Variants in TUSC3 observed in about 807,000 individuals in gnomAD.
The protein encoded by TUSC3 is tumor suppressor candidate 3.
TUSC3 carries 45 observed loss-of-function variants against 44.8 expected under a neutral mutation model. That is an observed-to-expected ratio of 1.00 (90% CI 0.79 to 1.29). The LOEUF (loss-of-function observed/expected upper bound fraction) is 1.29, where lower values mean the gene tolerates loss of function less well. Among genes scored for constraint, TUSC3 ranks in the 50% most tolerant of loss-of-function variants. The probability of loss-of-function intolerance (pLI) is 0.00; values close to 1 mark genes in which losing one functional copy is unlikely to be tolerated. For missense variants in TUSC3, 519 were observed against 437.9 expected (o/e 1.19, Z -1.65); for synonymous variants, 212 against 152.9 (o/e 1.39, Z -2.85).
upstream of TUSC3, among the ~76,000 whole-genome samples, chr8:15,535,232 G>C (rs1801505378): frequency 6.6e-6 from 1 of 152,162 alleles, no homozygotes; most frequent in Non-Finnish European, 1.5e-5. Context: ...TTCTTGGAAG[G>C]TCTTTGTGCA....
At chr8:15,769,350 G>A (rs1302241049), downstream of TUSC3, among the ~76,000 whole-genome samples, 1 of 152,132 alleles carries the variant, frequency 6.6e-6, no homozygotes, top group Non-Finnish European at 1.5e-5. Context: ...TTTAATAAAT[G>A]GTGATGGGAA....
intron 6 of TUSC3, among the ~76,000 whole-genome samples, chr8:15,678,736 C>G (rs973676782): frequency 6.6e-6 from 1 of 152,114 alleles, no homozygotes; most frequent in Non-Finnish European, 1.5e-5. Flanking sequence ...ATTACTGAGG[C>G]CATCACACAG....
At chr8:15,664,689 C>T (rs961235571) in intron 5 of TUSC3, among the ~76,000 whole-genome samples, 7 of 149,592 alleles carry the variant, frequency 4.7e-5, no homozygotes, top group African/African-American at 1.7e-4. Context: ...GTTTGTAATA[C>T]TTTTCTGCAT....
At chr8:15,565,112 G>C (rs928593974) in intron 1 of TUSC3, among the ~76,000 whole-genome samples, 1 of 151,746 alleles carries the variant, frequency 6.6e-6, no homozygotes, top group Admixed American at 6.6e-5. Context: ...GTCTCACTGG[G>C]CTAAAGTCAA....
At chr8:15,687,603 C>T (rs1004823240) in intron 6 of TUSC3, among the ~76,000 whole-genome samples, 2 of 152,140 alleles carry the variant, frequency 1.3e-5, no homozygotes, top group Non-Finnish European at 2.9e-5. Flanking sequence ...TTGATCCTAA[C>T]GTCTGACTGA....
intron 1 of TUSC3, among the ~76,000 whole-genome samples, chr8:15,604,820 T>A (rs993260493): frequency 2.0e-5 from 3 of 151,830 alleles, no homozygotes; most frequent in Non-Finnish European, 4.4e-5. Flanking sequence ...ATTTGGCATT[T>A]TTATTACCAG....
intron 6 of TUSC3, among the ~76,000 whole-genome samples, chr8:15,707,748 T>C (rs13265882): frequency 0.5 from 76,479 of 151,742 alleles, 20,915 homozygotes; most frequent in Non-Finnish European, 0.62. Flanking sequence ...GTGAATTTTC[T>C]AGGGCTGTCA....
intron 3 of TUSC3, 127 bp downstream of exon 3, chr8:15,650,941 G>C (rs1295383977): frequency 1.2e-5 from 11 of 894,478 alleles, no homozygotes; most frequent in Non-Finnish European, 1.4e-5. Flanking sequence ...AGTGAGCCGA[G>C]ATTGTGCCAC....
chr8:15,487,735 C>T (rs1361055645), intron 2 of TUSC3, among the ~76,000 whole-genome samples: 1 of 152,148 alleles, frequency 6.6e-6, no homozygotes, highest in Non-Finnish European at 1.5e-5. Context: ...GCAAACGAAA[C>T]ATCCAATTAG....
At chr8:15,810,125 T>A in the TUSC3 span, among the ~76,000 whole-genome samples, 1 of 152,086 alleles carries the variant, frequency 6.6e-6, no homozygotes, top group Non-Finnish European at 1.5e-5. Flanking sequence ...GCAGCAGAAG[T>A]ATCACCTGCA....
At chr8:15,484,225 A>G (rs185730240) in intron 2 of TUSC3, among the ~76,000 whole-genome samples, 3 of 152,204 alleles carry the variant, frequency 2.0e-5, no homozygotes, top group Admixed American at 2.0e-4. Context: ...TAAATTTGCT[A>G]ATTGTTTTCT....
intron 1 of TUSC3, among the ~76,000 whole-genome samples, chr8:15,478,316 G>T (rs1800609778): frequency 6.6e-6 from 1 of 152,084 alleles, no homozygotes; most frequent in Non-Finnish European, 1.5e-5. Flanking sequence ...TACAGGATGT[G>T]CAGGGTTTTT....
At chr8:15,536,876 A>C (rs545723672), upstream of TUSC3, among the ~76,000 whole-genome samples, 90 of 152,030 alleles carry the variant, frequency 5.9e-4, no homozygotes, top group African/African-American at 2.1e-3. Flanking sequence ...ATAAATTCTC[A>C]TCAGATGGAT....
chr8:15,752,234 G>A (rs352791), intron 9 of TUSC3, among the ~76,000 whole-genome samples: 58,986 of 151,636 alleles, frequency 0.39, 11,745 homozygotes, highest in East Asian at 0.5. Flanking sequence ...GGGGCTGAGG[G>A]TATTTCATGA....
Position 15,743,600 on chromosome 8 carries a change from G to GGAAAAAGA in TUSC3, c.926_933dup (p.Arg312GlufsTer5). The GGAAAAAGA allele has an allele frequency of 6.2e-7, 1 of 1,613,768 alleles. No individual in the cohort carries two copies. ...AGCAGCAACTTCGAAAGGCGATGTT[G>GGAAAAAGA]GAAAAAGACGGAGTAAGTCTCTGTG... On this transcript the variant is annotated frameshift_variant, in exon 8 of 11. Coordinates refer to ENST00000503731, the MANE Select transcript of TUSC3 (RefSeq NM_006765.4). LOFTEE classifies it high-confidence loss of function.
At chr8:15,434,358 A>C (rs1234358471) in intron 1 of TUSC3, among the ~76,000 whole-genome samples, 1 of 152,136 alleles carries the variant, frequency 6.6e-6, no homozygotes, top group Non-Finnish European at 1.5e-5. Context: ...TGTCAGATAC[A>C]TGTGTTCTGA....
chr8:15,601,426 A>C (rs1804284957), intron 1 of TUSC3, among the ~76,000 whole-genome samples: 1 of 151,674 alleles, frequency 6.6e-6, no homozygotes, highest in African/African-American at 2.4e-5. Context: ...ACTGAACAAG[A>C]AATAATTTAT....
intron 1 of TUSC3, among the ~76,000 whole-genome samples, chr8:15,471,927 A>G (rs1391616560): frequency 6.6e-6 from 1 of 152,110 alleles, no homozygotes; most frequent in African/African-American, 2.4e-5. Flanking sequence ...CCCCAGTTCT[A>G]ATGATTTAAC....
chr8:15,834,574 T>C, the TUSC3 span, among the ~76,000 whole-genome samples: 3 of 152,294 alleles, frequency 2.0e-5, 1 homozygote, highest in South Asian at 6.2e-4. Flanking sequence ...TAACAATACA[T>C]TTTATTATAT....
Sources: allele counts gnomAD v4.1 joint callset (sites outside exome capture counted in the v4.1 genomes callset), GRCh38; gene constraint gnomAD v4.1.1; transcripts MANE v1.5; gene names NCBI Gene and HGNC (gene_info 2026-07-23, HGNC 2026-07-21).